The following TGFB2 variants were observed in gnomAD, a reference collection of about 807,000 sequenced individuals.
TGFB2 encodes the protein transforming growth factor beta-2 proprotein.
In TGFB2, 13 loss-of-function variants were observed where a neutral mutation model predicts 42.7. The ratio of observed to expected loss-of-function variants is 0.30; its 90% confidence interval spans 0.20 to 0.48. The LOEUF (loss-of-function observed/expected upper bound fraction) is 0.48, where lower values mean the gene tolerates loss of function less well. Ranked by LOEUF, TGFB2 falls within the 20% of genes least tolerant of loss-of-function variation. The pLI is 0.99. For missense variants in TGFB2, 390 were observed against 517.5 expected, an observed-to-expected ratio of 0.75 and a Z score of 2.39; for synonymous variants, 193 against 193.6, an observed-to-expected ratio of 1.00 and a Z score of 0.03.
chr1:218,372,606 G>A (rs913685899), intron 1 of TGFB2, among the ~76,000 whole-genome samples: 23 of 152,172 alleles, frequency 1.5e-4, no homozygotes, highest in African/African-American at 4.6e-4. Context: ...AACAGGTGAA[G>A]CACCAAGAAT....
chr1:218,346,853 C>T lies in TGFB2; in HGVS notation c.152C>T (p.Thr51Ile). The T allele has an allele frequency of 3.1e-6, 5 of 1,614,134 alleles. No homozygotes were observed. Among genetic ancestry groups the T allele is most frequent in the South Asian group, 1.1e-5 (1 of 91,080 alleles). ...CAGATCCTGAGCAAGCTGAAGCTCA[C>T]CAGTCCCCCAGAAGACTATCCTGAG... The part of the protein sequence containing the change: ...RGQILSKLKL[T>I]SPPEDYPEPE... The change falls in exon 1 of 7, where the codon ACC becomes ATC. Residue 51 changes from threonine to isoleucine, a missense_variant. Coordinates refer to ENST00000366930, the MANE Select transcript of TGFB2 (RefSeq NM_003238.6). This position sits in a 1 kb window ranked among gnomAD's most constrained non-coding sequence, Gnocchi z 4.9.
chr1:218,394,282 C>T (rs572142264), intron 1 of TGFB2, among the ~76,000 whole-genome samples: 22 of 152,272 alleles, frequency 1.4e-4, no homozygotes, highest in Middle Eastern at 3.4e-3. Flanking sequence ...ACACCCAGTA[C>T]ACCCTACACA....
In TGFB2 at chr1:218,428,935, C is replaced by A. The variant is rs373970260; in HGVS notation, c.511-5147C>A. ...TATAAATTACCTTGGGCAGTATGGC[C>A]ATTTTCACGATATTGATTCTCCCTA... On this transcript the variant is annotated intron_variant, in intron 2 of 6. Transcript: ENST00000366930. Among the ~76,000 whole-genome samples, 3 of 149,386 alleles carry A rather than the reference C, an allele frequency of 2.0e-5. No individual in the cohort carries two copies. The East Asian group carries it at 6.0e-4, about 30-fold the overall frequency.
chr1:218,418,281 G>A (rs11466399), intron 2 of TGFB2, among the ~76,000 whole-genome samples: 57,042 of 152,134 alleles, frequency 0.37, 11,616 homozygotes, highest in East Asian at 0.71. Flanking sequence ...GACTTGAGAC[G>A]TGGAGTCTAA....
chr1:218,403,994 G>A (rs1048052440), intron 1 of TGFB2, among the ~76,000 whole-genome samples: 1 of 148,862 alleles, frequency 6.7e-6, no homozygotes, highest in Admixed American at 6.7e-5. Flanking sequence ...GTTAGAATAG[G>A]ACCTGCTCTG....
At position 218,387,311 on chromosome 1, in the gene TGFB2, A is replaced by G. The variant is rs79508101; in HGVS notation, c.347-17858A>G. Among the ~76,000 whole-genome samples the G allele has an allele frequency of 8.3e-3, 1,270 of 152,284 alleles. 11 individuals are homozygous for G. The highest frequency in any genetic ancestry group is 0.028 in the African/African-American group (1,180 of 41,548). ...AAGGGAGTTTGGGGTCAGAAGGTAC[A>G]AAAATTGACATGCCGTGGAGTTGTC... On this transcript the variant is annotated intron_variant, in intron 1 of 6. Transcript: ENST00000366930.
intron 1 of TGFB2, among the ~76,000 whole-genome samples, chr1:218,382,174 TC>T (rs971743191): frequency 3.3e-5 from 5 of 152,006 alleles, no homozygotes; most frequent in Non-Finnish European, 5.9e-5. Context: ...ACTCTTTACA[TC>T]CCCCTCCCCA....
rs1248189335 is a variant in TGFB2, at chr1:218,443,478, T to C, written c.*2116T>C. ...GTTTGAAAACTGGAAAAGCAAGAGATGGGATGCCATAATAGTAAACAGCCC... is the reference window on the plus strand; with the variant it reads ...GTTTGAAAACTGGAAAAGCAAGAGACGGGATGCCATAATAGTAAACAGCCC... On this transcript the variant is annotated 3_prime_UTR_variant, in exon 7 of 7. Transcript: ENST00000366930. 6.6e-6 allele frequency: 1 copy of C among 152,194 alleles called. No homozygotes were observed. The highest frequency in any genetic ancestry group is 1.5e-5 in the Non-Finnish European group (1 of 68,020). 9.4% of individuals were successfully genotyped at this position (152,194 alleles called of 1,614,324 possible).
chr1:218,348,183 C>T (rs1276730883), intron 1 of TGFB2, among the ~76,000 whole-genome samples: 4 of 152,042 alleles, frequency 2.6e-5, no homozygotes, highest in Non-Finnish European at 5.9e-5. Flanking sequence ...GTGGGGGGAA[C>T]CTCTTCAACA....
chr1:218,402,831 C>T (rs771599981), intron 1 of TGFB2, among the ~76,000 whole-genome samples: 58 of 152,292 alleles, frequency 3.8e-4, no homozygotes, highest in African/African-American at 1.1e-3. Flanking sequence ...GGAGGCTCTG[C>T]GAAGATGAAT....
intron 2 of TGFB2, among the ~76,000 whole-genome samples, chr1:218,417,144 A>G (rs1659308416): frequency 6.6e-6 from 1 of 152,240 alleles, no homozygotes; most frequent in Admixed American, 6.5e-5. Flanking sequence ...AACAGTTTGG[A>G]GGGCTCAGAA....
chr1:218,363,418 G>A, intron 1 of TGFB2: 1 of 1,613,434 alleles, frequency 6.2e-7, no homozygotes, highest in Non-Finnish European at 8.5e-7. Context: ...GGGTACCTTG[G>A]TGAGTACACT....
chr1:218,411,843 C>T lies in TGFB2; in HGVS notation c.510+6511C>T, dbSNP rs561182384. On this transcript the variant is annotated intron_variant, in intron 2 of 6. Coordinates refer to ENST00000366930, the MANE Select transcript of TGFB2 (RefSeq NM_003238.6). ...TTGCACCACTGCACTCCAGCCTGGGCGACAGAGCCAAATTCAGTCTCAAAA... is the reference window on the plus strand; with the variant it reads ...TTGCACCACTGCACTCCAGCCTGGGTGACAGAGCCAAATTCAGTCTCAAAA... Among the ~76,000 whole-genome samples the T allele has an allele frequency of 7.0e-5, 10 of 143,788 alleles. 1 individual carries two copies. In the South Asian group the frequency reaches 1.5e-3, roughly 22 times the overall value. 94.3% of individuals were successfully genotyped at this position (143,788 alleles called of 152,430 possible). A position where few individuals can be genotyped will look rare whatever the true frequency, so the allele number is the denominator to read the frequency against.
intron 1 of TGFB2, among the ~76,000 whole-genome samples, chr1:218,363,982 T>C (rs1194788621): frequency 6.6e-6 from 1 of 152,156 alleles, no homozygotes; most frequent in Non-Finnish European, 1.5e-5. Flanking sequence ...CTTAAAAAAT[T>C]ATGAGATTTT....
intron 1 of TGFB2, among the ~76,000 whole-genome samples, chr1:218,381,854 C>G (rs948445956): frequency 1.3e-5 from 2 of 152,118 alleles, no homozygotes; most frequent in East Asian, 1.9e-4. Context: ...TGTGTGCACA[C>G]GCGCGTGCCT....
At chr1:218,431,495 CAT>C (rs1659805361) in intron 2 of TGFB2, among the ~76,000 whole-genome samples, 1 of 152,120 alleles carries the variant, frequency 6.6e-6, no homozygotes, top group African/African-American at 2.4e-5. Context: ...TATATACACA[CAT>C]ATATACATGT....
intron 6 of TGFB2, among the ~76,000 whole-genome samples, chr1:218,437,714 A>G (rs1660016930): frequency 6.6e-6 from 1 of 152,202 alleles, no homozygotes; most frequent in African/African-American, 2.4e-5. Context: ...AGGAGGAAGA[A>G]TGTTAACTGT....
chr1:218,363,397 A>C (rs565218731), intron 1 of TGFB2: 2 of 1,613,950 alleles, frequency 1.2e-6, no homozygotes, highest in Admixed American at 3.3e-5. Flanking sequence ...AGACAGTCCC[A>C]GGTGCTCTGT....
chr1:218,358,896 C>T (rs1657123276), intron 1 of TGFB2, among the ~76,000 whole-genome samples: 3 of 152,124 alleles, frequency 2.0e-5, no homozygotes. Context: ...GTGTGAATGA[C>T]TTATTCTGAT....
Sources: allele counts gnomAD v4.1 joint callset (sites outside exome capture counted in the v4.1 genomes callset), GRCh38; gene constraint gnomAD v4.1.1; non-coding constraint Gnocchi (gnomAD v3.1); transcripts MANE v1.5; gene names NCBI Gene and HGNC (gene_info 2026-07-23, HGNC 2026-07-21).